MTUS2: variants seen among roughly 807,000 people sequenced by gnomAD.
The protein encoded by MTUS2 is microtubule-associated tumor suppressor candidate 2.
A neutral mutation model predicts 114.1 loss-of-function variants in MTUS2; 40 were observed. The ratio of observed to expected loss-of-function variants is 0.35; its 90% CI spans 0.27 to 0.46. MTUS2 has a LOEUF of 0.46. Ranked by LOEUF, MTUS2 falls within the 20% of genes least tolerant of loss-of-function variation. The pLI, the probability that MTUS2 is intolerant of heterozygous loss-of-function variation, is 1.00. For synonymous variants in MTUS2, 688 were observed against 672.0 expected, an observed-to-expected ratio of 1.02 and a Z score of -0.37; for missense variants, 1,679 against 1,705.4, an observed-to-expected ratio of 0.98 and a Z score of 0.27.
chr13:29,477,552 TC>T (rs1202540560), intron 9 of MTUS2, among the ~76,000 whole-genome samples: 6 of 152,044 alleles, frequency 3.9e-5, no homozygotes, highest in African/African-American at 1.4e-4. Context: ...GACTGTAGCC[TC>T]CAGTGATCAG....
intron 2 of MTUS2, among the ~76,000 whole-genome samples, chr13:28,856,402 G>A (rs1384077438): frequency 6.6e-6 from 1 of 152,212 alleles, no homozygotes; most frequent in Non-Finnish European, 1.5e-5. Flanking sequence ...TGGGATGCAT[G>A]CTCAGTCTGA....
chr13:29,075,264 T>C (rs542090030), intron 4 of MTUS2, among the ~76,000 whole-genome samples: 34 of 141,234 alleles, frequency 2.4e-4, no homozygotes, highest in Middle Eastern at 7.2e-3. Flanking sequence ...CAGGGTTCAC[T>C]ATCCCAGAGC....
At chr13:29,316,737 G>C (rs4372556) in intron 6 of MTUS2, among the ~76,000 whole-genome samples, 1 of 151,976 alleles carries the variant, frequency 6.6e-6, no homozygotes, top group African/African-American at 2.4e-5. Context: ...TACAAACTCC[G>C]TACCTTCAGT....
intron 6 of MTUS2, among the ~76,000 whole-genome samples, chr13:29,299,324 G>A (rs947192989): frequency 2.0e-5 from 3 of 152,150 alleles, no homozygotes; most frequent in Admixed American, 1.3e-4. Context: ...CAGACATCCC[G>A]GGACTAAGGA....
chr13:29,390,998 G>T (rs182921335), intron 8 of MTUS2, among the ~76,000 whole-genome samples: 3 of 152,164 alleles, frequency 2.0e-5, no homozygotes, highest in East Asian at 1.9e-4. Context: ...GGTCGGGCTG[G>T]TCTCGAACTC....
At chr13:28,946,458 A>G (rs892928031) in intron 2 of MTUS2, among the ~76,000 whole-genome samples, 1 of 152,198 alleles carries the variant, frequency 6.6e-6, no homozygotes, top group Non-Finnish European at 1.5e-5. Context: ...GGAAAAAGTC[A>G]TGGCATAGGT....
At chr13:29,137,752 G>A (rs1892043433) in intron 5 of MTUS2, among the ~76,000 whole-genome samples, 1 of 150,746 alleles carries the variant, frequency 6.6e-6, no homozygotes, top group Non-Finnish European at 1.5e-5. Flanking sequence ...AGGTAGCTGG[G>A]ATTACAGGTG....
intron 5 of MTUS2, among the ~76,000 whole-genome samples, chr13:29,221,275 A>G (rs181956301): frequency 4.3e-4 from 65 of 152,374 alleles, no homozygotes; most frequent in Non-Finnish European, 8.4e-4. Context: ...TAGGGTTAGT[A>G]TATTGTTCTT....
intron 2 of MTUS2, among the ~76,000 whole-genome samples, chr13:28,968,316 A>T (rs1883693730): frequency 1.3e-5 from 2 of 152,228 alleles, no homozygotes; most frequent in Non-Finnish European, 2.9e-5. Flanking sequence ...TTAAAGGTAT[A>T]CATTGAGTTA....
chr13:29,136,230 G>A (rs1178938269), intron 5 of MTUS2, among the ~76,000 whole-genome samples: 1 of 152,136 alleles, frequency 6.6e-6, no homozygotes, highest in African/African-American at 2.4e-5. Flanking sequence ...ACTTTTATTT[G>A]GGAATATCTT....
At chr13:29,444,448 A>T (rs987776362) in intron 9 of MTUS2, among the ~76,000 whole-genome samples, 1 of 152,190 alleles carries the variant, frequency 6.6e-6, no homozygotes. Context: ...AACAAACAAA[A>T]AAAAGCCTTT....
At chr13:28,993,985 T>C (rs191367621) in intron 2 of MTUS2, among the ~76,000 whole-genome samples, 1 of 152,254 alleles carries the variant, frequency 6.6e-6, no homozygotes, top group African/African-American at 2.4e-5. Context: ...ACGTGCCATG[T>C]TGGTGTGCTG....
chr13:28,826,941 T>C (rs548524656), intron 1 of MTUS2, among the ~76,000 whole-genome samples: 125 of 152,352 alleles, frequency 8.2e-4, no homozygotes, highest in Non-Finnish European at 1.4e-3. Flanking sequence ...GGAGAAGTAA[T>C]CTCAAATCAT....
At chr13:29,491,638 G>T (rs1467109675) in intron 11 of MTUS2, among the ~76,000 whole-genome samples, 1 of 149,428 alleles carries the variant, frequency 6.7e-6, no homozygotes, top group Non-Finnish European at 1.5e-5. Context: ...ATTAGTAGGT[G>T]TGTATGTGTG....
At chr13:28,969,031 T>A (rs919572489) in intron 2 of MTUS2, among the ~76,000 whole-genome samples, 37 of 152,196 alleles carry the variant, frequency 2.4e-4, no homozygotes, top group Admixed American at 2.4e-3. Flanking sequence ...GCTGCAATTT[T>A]TTGTATAATT....
chr13:29,081,357 A>AT (rs1187356678), intron 4 of MTUS2, among the ~76,000 whole-genome samples: 1 of 152,096 alleles, frequency 6.6e-6, no homozygotes, highest in Non-Finnish European at 1.5e-5. Flanking sequence ...ATTCACCCTG[A>AT]TGTCTAACTG....
At chr13:29,063,057 T>A (rs1341362454) in intron 4 of MTUS2, among the ~76,000 whole-genome samples, 1 of 152,166 alleles carries the variant, frequency 6.6e-6, no homozygotes, top group Non-Finnish European at 1.5e-5. Context: ...AACTATTACC[T>A]CCCTTTAGGT....
At chr13:29,092,946 A>G (rs1041309497) in intron 4 of MTUS2, among the ~76,000 whole-genome samples, 1 of 152,106 alleles carries the variant, frequency 6.6e-6, no homozygotes, top group Non-Finnish European at 1.5e-5. Context: ...GGAGTGGGGC[A>G]AGTGTAAGTG....
intron 8 of MTUS2, among the ~76,000 whole-genome samples, chr13:29,407,539 G>A (rs563054115): frequency 1.4e-4 from 21 of 151,244 alleles, no homozygotes; most frequent in Non-Finnish European, 1.9e-4. Flanking sequence ...GTGCAATGGC[G>A]CGATCTTGGC....
Sources: gnomAD v4.1 joint callset for allele counts (sites outside exome capture counted in the v4.1 genomes callset) on GRCh38, gnomAD v4.1.1 for gene constraint, MANE v1.5 for transcripts, NCBI Gene and HGNC (gene_info 2026-07-23, HGNC 2026-07-21) for gene names.